Variants in RANBP2 observed in about 807,000 individuals in gnomAD.
RANBP2 encodes E3 SUMO-protein ligase RanBP2.
RANBP2 carries 57 observed loss-of-function variants against 303.6 expected under a neutral mutation model. The ratio of observed to expected loss-of-function variants is 0.19; its 90% CI spans 0.15 to 0.23. The LOEUF (loss-of-function observed/expected upper bound fraction) is 0.23. Ranked by LOEUF, RANBP2 falls within the 10% of genes least tolerant of loss-of-function variation. The probability of loss-of-function intolerance (pLI) is 1.00; values close to 1 mark genes in which losing one functional copy is unlikely to be tolerated. For synonymous variants in RANBP2, 1,167 were observed against 1,301.5 expected (o/e 0.90, Z 2.23); for missense variants, 3,138 against 3,780.8 (o/e 0.83, Z 4.46).
At chr2:109,418,482 A>T in the RANBP2 span, among the ~76,000 whole-genome samples, 2 of 152,054 alleles carry the variant, frequency 1.3e-5, no homozygotes, top group Non-Finnish European at 2.9e-5. Context: ...GGCTGCCGGC[A>T]TCCTCAGCAC....
At chr2:109,350,110 C>T in the RANBP2 span, among the ~76,000 whole-genome samples, 1 of 152,202 alleles carries the variant, frequency 6.6e-6, no homozygotes, top group Non-Finnish European at 1.5e-5. Context: ...GATGGAATTC[C>T]ATGTTCCATA....
the RANBP2 span, among the ~76,000 whole-genome samples, chr2:109,524,043 CA>C: frequency 3.3e-5 from 5 of 152,240 alleles, no homozygotes; most frequent in Non-Finnish European, 7.3e-5. Context: ...GGGACAGGAG[CA>C]GGGGCTGTTC....
chr2:108,930,222 G>A, the RANBP2 span: 1 of 1,614,116 alleles, frequency 6.2e-7, no homozygotes, highest in Non-Finnish European at 8.5e-7. Flanking sequence ...ATTCCGCTCG[G>A]GCTGAGCACA....
chr2:109,303,262 C>T, the RANBP2 span, among the ~76,000 whole-genome samples: 1 of 152,230 alleles, frequency 6.6e-6, no homozygotes, highest in Non-Finnish European at 1.5e-5. Flanking sequence ...GACCACCTCC[C>T]TCACATATGC....
the RANBP2 span, among the ~76,000 whole-genome samples, chr2:109,108,043 C>G: frequency 6.6e-6 from 1 of 151,644 alleles, no homozygotes; most frequent in African/African-American, 2.4e-5. Context: ...GTAGCTGGGA[C>G]TACAGGCGCC....
chr2:109,140,642 A>G, the RANBP2 span, among the ~76,000 whole-genome samples: 3 of 152,062 alleles, frequency 2.0e-5, no homozygotes, highest in Admixed American at 6.5e-5. Flanking sequence ...CAGCCTCCCA[A>G]AGTGCTGGGA....
At chr2:108,962,483 C>A in the RANBP2 span, among the ~76,000 whole-genome samples, 1 of 151,788 alleles carries the variant, frequency 6.6e-6, no homozygotes, top group Non-Finnish European at 1.5e-5. Context: ...ACCATCCTGG[C>A]GAACACAGTG....
the RANBP2 span, among the ~76,000 whole-genome samples, chr2:109,179,916 G>A: frequency 3.9e-5 from 6 of 152,114 alleles, no homozygotes; most frequent in African/African-American, 9.7e-5. Context: ...AGTCACTGAC[G>A]AAAGAACTAG....
At chr2:109,178,421 T>A in the RANBP2 span, among the ~76,000 whole-genome samples, 5 of 152,306 alleles carry the variant, frequency 3.3e-5, no homozygotes, top group African/African-American at 9.6e-5. Context: ...TCCTTTTTTT[T>A]ATTGTTTTGT....
chr2:108,731,400 G>T lies in RANBP2; in HGVS notation c.331G>T (p.Asp111Tyr). Residue 111 changes from aspartate to tyrosine, a missense_variant, in exon 4 of 29, where the codon GAT becomes TAT. Asp to Tyr is a radical substitution (Grantham distance 160, BLOSUM62 -3). Transcript: ENST00000283195. ...ATTGCTTTGTAAAAATGATGTTACT[G>T]ATGGAAGAGCAAAATACTGGCTTGA... ...AELLCKNDVTDGRAKYWLERA... is the reference protein window; with the variant it reads ...AELLCKNDVTYGRAKYWLERA... 1 of 1,611,546 alleles carries T rather than the reference G, an allele frequency of 6.2e-7. No homozygotes were observed. The highest frequency in any genetic ancestry group is 8.5e-7 in the Non-Finnish European group (1 of 1,179,606).
At chr2:108,856,679 ATT>A in the RANBP2 span, 3 of 944,362 alleles carry the variant, frequency 3.2e-6, no homozygotes, top group Non-Finnish European at 4.8e-6. Context: ...CTCTTATTTA[ATT>A]TTTGTTTGTC....
the RANBP2 span, among the ~76,000 whole-genome samples, chr2:109,188,072 T>G: frequency 6.6e-6 from 1 of 152,140 alleles, no homozygotes; most frequent in African/African-American, 2.4e-5. Context: ...GCGTAGTGAG[T>G]GGTCCCGAAC....
the RANBP2 span, among the ~76,000 whole-genome samples, chr2:109,712,444 T>G: frequency 6.6e-6 from 1 of 152,170 alleles, no homozygotes; most frequent in South Asian, 2.1e-4. Context: ...TTTATTTTAT[T>G]TTTTTGAGAT....
chr2:109,615,548 C>G, the RANBP2 span: 1 of 1,613,966 alleles, frequency 6.2e-7, no homozygotes, highest in Non-Finnish European at 8.5e-7. Context: ...TGCACGGCCA[C>G]GTGGAGGTGG....
At chr2:109,469,141 C>A in the RANBP2 span, among the ~76,000 whole-genome samples, 113 of 152,302 alleles carry the variant, frequency 7.4e-4, no homozygotes, top group African/African-American at 2.7e-3. Context: ...CTTCTCCACC[C>A]CAAGAATGCG....
chr2:109,705,440 T>C, the RANBP2 span, among the ~76,000 whole-genome samples: 72 of 152,260 alleles, frequency 4.7e-4, no homozygotes, highest in African/African-American at 1.5e-3. Context: ...CAAAGTGGAA[T>C]ATATGCAGCG....
At chr2:108,777,258 T>C (rs1677953363) in intron 25 of RANBP2, 27 bp downstream of exon 25, 8 of 1,562,642 alleles carry the variant, frequency 5.1e-6, no homozygotes, top group Admixed American at 3.4e-5. Context: ...AGACTTTTAA[T>C]GACATTGTTA....
intron 20 of RANBP2, among the ~76,000 whole-genome samples, chr2:108,770,805 C>G (rs1396287512): frequency 1.3e-5 from 2 of 152,096 alleles, no homozygotes; most frequent in Non-Finnish European, 2.9e-5. Flanking sequence ...TTGTTTTTCA[C>G]CAAGTCTTCA....
the RANBP2 span, among the ~76,000 whole-genome samples, chr2:109,285,887 C>T: frequency 6.6e-6 from 1 of 152,218 alleles, no homozygotes; most frequent in Non-Finnish European, 1.5e-5. Flanking sequence ...ATGCCCCCAG[C>T]GTGCCTCCTT....
Sources: gnomAD v4.1 joint callset for allele counts (sites outside exome capture counted in the v4.1 genomes callset) on GRCh38, gnomAD v4.1.1 for gene constraint, MANE v1.5 for transcripts, NCBI Gene and HGNC (gene_info 2026-07-23, HGNC 2026-07-21) for gene names.